Variants in USP25 observed in about 807,000 individuals in gnomAD.
USP25 encodes ubiquitin carboxyl-terminal hydrolase 25.
Under a neutral mutation model 158.5 loss-of-function variants are expected in USP25, and 85 were observed. The observed-to-expected ratio is 0.54, with a 90% CI of 0.45 to 0.64. The LOEUF (loss-of-function observed/expected upper bound fraction) is 0.64. USP25 is among the 30% of genes least tolerant of loss of function. The pLI is 0.00. For synonymous variants in USP25, 464 were observed against 460.4 expected, an observed-to-expected ratio of 1.01 and a Z score of -0.10; for missense variants, 1,242 against 1,327.3, an observed-to-expected ratio of 0.94 and a Z score of 1.00.
intron 1 of USP25, among the ~76,000 whole-genome samples, chr21:15,748,290 A>G (rs2032719173): frequency 6.6e-6 from 1 of 151,944 alleles, no homozygotes; most frequent in Non-Finnish European, 1.5e-5. Context: ...GAATTAAAAA[A>G]TATATTTTTG....
At chr21:15,855,852 C>A (rs1207985289) in intron 20 of USP25, among the ~76,000 whole-genome samples, 1 of 152,226 alleles carries the variant, frequency 6.6e-6, no homozygotes, top group Non-Finnish European at 1.5e-5. Flanking sequence ...TAGCCATTAT[C>A]TGGACTTCTA....
At chr21:15,758,339 A>G (rs369838856) in intron 1 of USP25, among the ~76,000 whole-genome samples, 1 of 152,172 alleles carries the variant, frequency 6.6e-6, no homozygotes, top group Non-Finnish European at 1.5e-5. Flanking sequence ...TGTAGTTCCC[A>G]TAATCCCCAT....
At chr21:15,836,988 C>A (rs1211828955) in intron 17 of USP25, among the ~76,000 whole-genome samples, 1 of 110,302 alleles carries the variant, frequency 9.1e-6, no homozygotes, top group African/African-American at 3.6e-5. Context: ...GCCAGCCATC[C>A]TTTGCTGTCA....
rs1426013919 is a variant in USP25 at position 15,842,385 on chromosome 21, T to G, written c.2195-13T>G. 3.1e-6 allele frequency: 5 copies of G among 1,611,638 alleles called. No homozygotes were observed. The highest frequency in any genetic ancestry group is 4.2e-6 in the Non-Finnish European group (5 of 1,179,176). Reference sequence around the variant, plus strand: ...TTTATATTAGATATATAATTGATTCTTTTCTCATGAAGCACAAGCAGCAGG... The same window carrying G: ...TTTATATTAGATATATAATTGATTCGTTTCTCATGAAGCACAAGCAGCAGG... On this transcript the variant is annotated splice_polypyrimidine_tract_variant and intron_variant, in intron 17 of 25. Transcript: ENST00000400183.
intron 3 of USP25, among the ~76,000 whole-genome samples, chr21:15,769,845 G>C (rs780558825): frequency 6.6e-6 from 1 of 152,120 alleles, no homozygotes; most frequent in African/African-American, 2.4e-5. Context: ...AGATAAGAGG[G>C]ATTTGGGTAG....
intron 1 of USP25, among the ~76,000 whole-genome samples, chr21:15,757,462 G>A (rs1242659128): frequency 1.3e-5 from 2 of 152,090 alleles, no homozygotes; most frequent in Non-Finnish European, 2.9e-5. Flanking sequence ...AGATAAAACA[G>A]CAAAATAACA....
At chr21:15,773,147 A>C (rs2034450769) in intron 3 of USP25, 2 of 152,210 alleles carry the variant, frequency 1.3e-5, no homozygotes, top group South Asian at 4.1e-4. Context: ...CAGGGATTGG[A>C]GGCTCAAATT....
intron 3 of USP25, among the ~76,000 whole-genome samples, chr21:15,769,304 C>G (rs2034214664): frequency 6.6e-6 from 1 of 152,022 alleles, no homozygotes; most frequent in East Asian, 1.9e-4. Flanking sequence ...GGAGACATAT[C>G]AAAGAAATCT....
intron 4 of USP25, among the ~76,000 whole-genome samples, chr21:15,784,297 G>A (rs972902975): frequency 1.3e-5 from 2 of 152,198 alleles, no homozygotes; most frequent in Admixed American, 1.3e-4. Flanking sequence ...ATGTGGCTGG[G>A]CGTGGTGGCT....
chr21:15,845,501 T>C (rs2038539901), intron 18 of USP25, among the ~76,000 whole-genome samples: 1 of 152,148 alleles, frequency 6.6e-6, no homozygotes, highest in Admixed American at 6.5e-5. Flanking sequence ...TTCTTCCCCC[T>C]TTCAGCTTTT....
rs78470636 is a variant in USP25 at position 15,858,087 on chromosome 21, C to G, written c.2548-6181C>G. Reference sequence around the variant, plus strand: ...GGACAATACACTGAATACCAGTGATCTTATTGTAGATCGTTTGTAATACAC... The same window carrying G: ...GGACAATACACTGAATACCAGTGATGTTATTGTAGATCGTTTGTAATACAC... On this transcript the variant is annotated intron_variant, in intron 20 of 25. Coordinates refer to ENST00000400183, the MANE Select transcript of USP25 (RefSeq NM_001283041.3). Among the ~76,000 whole-genome samples, 1,172 of 152,104 alleles carry G rather than the reference C, an allele frequency of 7.7e-3. 30 individuals carry two copies. The East Asian group carries it at 0.1, about 14-fold the overall frequency.
At chr21:15,794,345 C>T (rs2035750293) in intron 5 of USP25, among the ~76,000 whole-genome samples, 1 of 151,530 alleles carries the variant, frequency 6.6e-6, no homozygotes, top group Non-Finnish European at 1.5e-5. Flanking sequence ...CTTAAATAAT[C>T]TTTTGGCTGC....
chr21:15,843,430 TATA>T lies in USP25; in HGVS notation c.2337+895_2337+897del, dbSNP rs2038434372. Among the ~76,000 whole-genome samples, 1 of 152,194 alleles carries T rather than the reference TATA, an allele frequency of 6.6e-6. No homozygotes were observed. The highest frequency in any genetic ancestry group is 2.4e-5 in the African/African-American group (1 of 41,432). On this transcript the variant is annotated intron_variant, in intron 18 of 25. Coordinates refer to ENST00000400183, the MANE Select transcript of USP25 (RefSeq NM_001283041.3). The surrounding 1 kb of genome is among the most constrained non-coding windows in gnomAD (Gnocchi z 4.0). ...GCTAATTGCAATGAGGCCTTAAATA[TATA>T]ATAAGACTTCCTTTAGCCAAAATGT... is the stretch of plus-strand genomic sequence containing the variant.
intron 21 of USP25, among the ~76,000 whole-genome samples, chr21:15,865,374 A>G (rs1336670189): frequency 1.3e-5 from 2 of 152,166 alleles, no homozygotes; most frequent in African/African-American, 4.8e-5. Flanking sequence ...TGTATAGCAA[A>G]GAATATGAGG....
At chr21:15,732,017 T>C (rs1853410056) in intron 1 of USP25, among the ~76,000 whole-genome samples, 1 of 152,198 alleles carries the variant, frequency 6.6e-6, no homozygotes, top group African/African-American at 2.4e-5. Flanking sequence ...TTTTTTATTT[T>C]CATTTGATTT....
intron 4 of USP25, among the ~76,000 whole-genome samples, chr21:15,782,783 T>C (rs1319172336): frequency 6.6e-6 from 1 of 152,060 alleles, no homozygotes; most frequent in African/African-American, 2.4e-5. Context: ...CTCGTTAAAA[T>C]TGGAAAAAGC....
At chr21:15,734,822 A>G (rs911916950) in intron 1 of USP25, among the ~76,000 whole-genome samples, 7 of 152,080 alleles carry the variant, frequency 4.6e-5, no homozygotes, top group Non-Finnish European at 1.0e-4. Context: ...TTTTCTTTGC[A>G]GTGAATGATA....
At chr21:15,849,745 CT>C (rs1221257733) in intron 19 of USP25, 31 bp from the exon 20 acceptor site, 10 of 1,470,774 alleles carry the variant, frequency 6.8e-6, no homozygotes, top group South Asian at 2.7e-5. Flanking sequence ...GTTTAAAAAC[CT>C]TTTTTTAATG....
chr21:15,773,807 A>G (rs1043421000), intron 3 of USP25, among the ~76,000 whole-genome samples: 1 of 152,226 alleles, frequency 6.6e-6, no homozygotes, highest in Non-Finnish European at 1.5e-5. Context: ...ATGTCAGTCT[A>G]TTATGTTTGA....
Sources: allele counts gnomAD v4.1 joint callset (sites outside exome capture counted in the v4.1 genomes callset), GRCh38; gene constraint gnomAD v4.1.1; non-coding constraint Gnocchi (gnomAD v3.1); transcripts MANE v1.5; gene names NCBI Gene and HGNC (gene_info 2026-07-23, HGNC 2026-07-21).